The following ZFP69 variants were observed in gnomAD, a reference collection of about 807,000 sequenced individuals.
ZFP69 encodes the protein ZFP69 zinc finger protein, also known as zinc finger protein 69 homolog.
In ZFP69, 35 loss-of-function variants were observed where a neutral mutation model predicts 48.9. The ratio of observed to expected loss-of-function variants is 0.72; its 90% confidence interval spans 0.55 to 0.95. The LOEUF (loss-of-function observed/expected upper bound fraction) is 0.95, where lower values mean the gene tolerates loss of function less well. Among genes scored for constraint, ZFP69 ranks in the 40% least tolerant of loss-of-function variants. The pLI is 0.00. For missense variants in ZFP69, 557 were observed against 638.4 expected (o/e 0.87, Z 1.37); for synonymous variants, 193 against 216.8 (o/e 0.89, Z 0.96).
chr1:40,488,939 TTGGAGATCAGAGG>T (rs1473613518), intron 3 of ZFP69, 136 bp from the exon 4 acceptor site: 45 of 848,996 alleles, frequency 5.3e-5, no homozygotes, highest in Non-Finnish European at 7.6e-5. Flanking sequence ...TTGATCAGAT[TTGGAGATCAGAGG>T]ATCTCCAAAC....
intron 5 of ZFP69, 30 bp downstream of exon 5, chr1:40,489,654 T>C: frequency 6.5e-7 from 1 of 1,528,596 alleles, no homozygotes; most frequent in East Asian, 2.3e-5. Flanking sequence ...TCTGTTTTTG[T>C]GTTGCTATAA....
At chr1:40,484,909 T>TTTTTTTTTTG (rs1645480184) in intron 3 of ZFP69, among the ~76,000 whole-genome samples, 2 of 130,186 alleles carry the variant, frequency 1.5e-5, no homozygotes, top group Admixed American at 8.0e-5. Flanking sequence ...TTTTTTTTTT[T>TTTTTTTTTTG]GATATGGAGT....
chr1:40,483,073 G>A (rs1645458335), intron 3 of ZFP69, among the ~76,000 whole-genome samples: 2 of 151,928 alleles, frequency 1.3e-5, no homozygotes, highest in South Asian at 2.1e-4. Flanking sequence ...TGAGATCTGC[G>A]GGTGGGGTGG....
At chr1:40,484,081 A>G (rs951156072) in intron 3 of ZFP69, among the ~76,000 whole-genome samples, 2 of 152,158 alleles carry the variant, frequency 1.3e-5, no homozygotes, top group African/African-American at 4.8e-5. Flanking sequence ...GTCTCAAAAA[A>G]AATAAATAAA....
rs201726923 is a variant in ZFP69, at chr1:40,479,298, G to A, written c.-64G>A. ...GAGCAACACCCCACAACTGTGAAGC[G>A]TCTCATCAAGAGCTTCTGGCAATTT... On this transcript the variant is annotated 5_prime_UTR_variant, in exon 2 of 6. Transcript: ENST00000372706. 3.6e-5 allele frequency: 57 copies of A among 1,605,154 alleles called. No homozygotes were observed. The highest frequency in any genetic ancestry group is 5.4e-5 in the African/African-American group (4 of 74,668).
Position 40,496,128 on chromosome 1 carries a change from G to GTTTA in ZFP69, c.*69_*70insTTTA. On this transcript the variant is annotated 3_prime_UTR_variant, in exon 6 of 6. Transcript: ENST00000372706. ...TGATTTAGAGTGCTTTAAAATTTCA[G>GTTTA]GACTCAGATATGAGGAATTGATGTA... The GTTTA allele has an allele frequency of 1.2e-5, 18 of 1,470,082 alleles. No individual in the cohort carries two copies. The highest frequency in any genetic ancestry group is 1.6e-5 in the Non-Finnish European group (18 of 1,100,018). The allele number at this position is 1,470,082 out of a possible 1,614,324, so 91.1% of individuals were successfully genotyped here.
intron 5 of ZFP69, among the ~76,000 whole-genome samples, chr1:40,493,931 A>G (rs1056814716): frequency 2.6e-5 from 4 of 152,224 alleles, no homozygotes; most frequent in East Asian, 1.9e-4. Flanking sequence ...CAGCATAGCA[A>G]TCTGGGTTTC....
chr1:40,489,484 A>G, intron 4 of ZFP69, 45 bp from the exon 5 acceptor site: 1 of 1,536,004 alleles, frequency 6.5e-7, no homozygotes, highest in Non-Finnish European at 8.9e-7. Flanking sequence ...TGGTTCTTAG[A>G]CATCAGCATA....
intron 3 of ZFP69, among the ~76,000 whole-genome samples, chr1:40,484,357 A>G (rs1645473874): frequency 6.6e-6 from 1 of 151,440 alleles, no homozygotes; most frequent in Admixed American, 6.6e-5. Context: ...CTGCCACCAC[A>G]CCTGGCTAAT....
rs759108080 is a variant in ZFP69, at chr1:40,496,036, A to C, written c.1558A>C (p.Asn520His). The change falls in exon 6 of 6, where the codon AAC becomes CAC. Residue 520 changes from asparagine to histidine, a missense_variant. Asn to His is a moderately conservative substitution (Grantham distance 68). Coordinates refer to ENST00000372706, the MANE Select transcript of ZFP69 (RefSeq NM_001320179.2). ...TCGACATCATGAAATACACAGGAGG[A>C]ACGCCTTCCGAAATAAGGTGTAAAA... ...LSRHHEIHRRNAFRNKV is the reference protein window; with the variant it reads ...LSRHHEIHRRHAFRNKV The C allele has an allele frequency of 1.3e-6, 2 of 1,591,106 alleles. No homozygotes were observed. Among genetic ancestry groups the C allele is most frequent in the Admixed American group, 3.7e-5 (2 of 54,154 alleles).
At chr1:40,487,067 G>A (rs1246329144) in intron 3 of ZFP69, among the ~76,000 whole-genome samples, 2 of 151,836 alleles carry the variant, frequency 1.3e-5, no homozygotes, top group Non-Finnish European at 2.9e-5. Flanking sequence ...TGGGACTACA[G>A]GCATGCACCA....
At chr1:40,488,100 G>A (rs149404810) in intron 3 of ZFP69, among the ~76,000 whole-genome samples, 10 of 151,706 alleles carry the variant, frequency 6.6e-5, no homozygotes, top group Admixed American at 2.0e-4. Context: ...CCTGTAATGC[G>A]AACACTTTGA....
At chr1:40,486,671 C>G (rs1051806862) in intron 3 of ZFP69, among the ~76,000 whole-genome samples, 1 of 151,974 alleles carries the variant, frequency 6.6e-6, no homozygotes, top group Admixed American at 6.6e-5. Flanking sequence ...GTCCTCCTGC[C>G]TTGGCCTTCC....
chr1:40,490,293 C>T (rs1645554054), intron 5 of ZFP69, among the ~76,000 whole-genome samples: 1 of 152,154 alleles, frequency 6.6e-6, no homozygotes, highest in East Asian at 1.9e-4. Flanking sequence ...GCCCCACCTG[C>T]AACACTGGGG....
intron 3 of ZFP69, among the ~76,000 whole-genome samples, chr1:40,484,097 T>A (rs921160835): frequency 1.3e-5 from 2 of 152,094 alleles, no homozygotes; most frequent in Non-Finnish European, 2.9e-5. Context: ...ATAAATAAAA[T>A]AAATAAAACA....
chr1:40,483,140 A>G (rs1413750281), intron 3 of ZFP69, among the ~76,000 whole-genome samples: 1 of 151,890 alleles, frequency 6.6e-6, no homozygotes, highest in Non-Finnish European at 1.5e-5. Context: ...AAGGGGCATG[A>G]AGGAACGTTC....
Position 40,495,036 on chromosome 1 carries a change from CA to C in ZFP69, c.559del (p.Thr187ArgfsTer2). The part of the protein sequence containing the change: ...SFMRDDIIYS[T>X]LRKVSTYDDV... ...TCATGAGGGATGATATAATTTATTC[CA>C]CGTTGAGAAAAGTCTCCACATATGA... is the stretch of plus-strand genomic sequence containing the variant. On this transcript the variant is annotated frameshift_variant, in exon 6 of 6. Transcript: ENST00000372706. LOFTEE classifies it high-confidence loss of function. 1 of 1,613,904 alleles carries C rather than the reference CA, an allele frequency of 6.2e-7. No homozygotes were observed.
intron 2 of ZFP69, among the ~76,000 whole-genome samples, chr1:40,481,200 G>C (rs1434430387): frequency 6.6e-6 from 1 of 151,566 alleles, no homozygotes; most frequent in Non-Finnish European, 1.5e-5. Flanking sequence ...TTTGGGGAAA[G>C]GATACAAAAG....
chr1:40,485,612 A>G (rs569507340), intron 3 of ZFP69, among the ~76,000 whole-genome samples: 8 of 152,052 alleles, frequency 5.3e-5, no homozygotes, highest in Admixed American at 4.6e-4. Context: ...TCTATCTTGC[A>G]TCATTTCCCT....
Sources: allele counts gnomAD v4.1 joint callset (sites outside exome capture counted in the v4.1 genomes callset), GRCh38; gene constraint gnomAD v4.1.1; transcripts MANE v1.5; gene names NCBI Gene and HGNC (gene_info 2026-07-23, HGNC 2026-07-21).